The following OGT variants were observed in gnomAD, a reference collection of about 807,000 sequenced individuals.
OGT encodes O-linked N-acetylglucosamine (GlcNAc) transferase.
OGT carries 3 observed loss-of-function variants against 75.8 expected under a neutral mutation model. The ratio of observed to expected loss-of-function variants is 0.04; its 90% CI spans 0.02 to 0.10. OGT has a LOEUF of 0.10. OGT is among the 10% of genes least tolerant of loss of function. The pLI, the probability that OGT is intolerant of heterozygous loss-of-function variation, is 1.00. For missense variants in OGT, 260 were observed against 824.4 expected, an observed-to-expected ratio of 0.32 and a Z score of 8.38; for synonymous variants, 257 against 289.7, an observed-to-expected ratio of 0.89 and a Z score of 1.15.
rs1238270799 is a variant in OGT at position 71,573,986 on chromosome X, C to G, written c.*192C>G. ...GAGAGACACAAAAGATGGGAAACTG[C>G]TTTTCCACAAGGAATCTCCGTAGAA... On this transcript the variant is annotated 3_prime_UTR_variant, in exon 22 of 22. Transcript: ENST00000373719. 3.0e-6 allele frequency: 1 copy of G among 331,061 alleles called. No homozygotes were observed. Among genetic ancestry groups the G allele is most frequent in the Non-Finnish European group, 5.2e-6 (1 of 193,999 alleles). The allele number at this position is 331,061 out of a possible 1,213,427, so 27.3% of individuals were successfully genotyped here.
intron 3 of OGT, among the ~76,000 whole-genome samples, chrX:71,539,104 G>A (rs2040199918): frequency 8.9e-6 from 1 of 112,461 alleles, no homozygotes; most frequent in Non-Finnish European, 1.9e-5. Context: ...CAAAGCAAAT[G>A]TTGAAGTGAA....
At chrX:71,571,304 G>A (rs746348274) in intron 21 of OGT, among the ~76,000 whole-genome samples, 1 of 111,696 alleles carries the variant, frequency 9.0e-6, no homozygotes, top group Non-Finnish European at 1.9e-5. Flanking sequence ...TTATTCATCT[G>A]CCAATCCATC....
chrX:71,572,294 T>A (rs1361990926), intron 21 of OGT, among the ~76,000 whole-genome samples: 1 of 112,363 alleles, frequency 8.9e-6, no homozygotes, highest in Admixed American at 9.5e-5. Context: ...TCAAGTTTAT[T>A]TCTTTTGCTG....
At chrX:71,542,581 C>T (rs545484652) in intron 3 of OGT, among the ~76,000 whole-genome samples, 2 of 111,753 alleles carry the variant, frequency 1.8e-5, no homozygotes, top group South Asian at 3.7e-4. Flanking sequence ...AATAAAATTA[C>T]GCAACAGCTG....
chrX:71,559,435 G>A lies in OGT; in HGVS notation c.1761+10G>A, dbSNP rs1371737316. 1 of 1,195,547 alleles carries A rather than the reference G, an allele frequency of 8.4e-7. No homozygotes were observed. Among genetic ancestry groups the A allele is most frequent in the African/African-American group, 1.7e-5 (1 of 57,267 alleles). On this transcript the variant is annotated intron_variant, in intron 13 of 21. Coordinates refer to ENST00000373719, the MANE Select transcript of OGT (RefSeq NM_181672.3). ...TCCTGATAAATTTGAGGTAAGACTAGTGTTTCTCTAGAATCACTATTTGTT... is the reference window on the plus strand; with the variant it reads ...TCCTGATAAATTTGAGGTAAGACTAATGTTTCTCTAGAATCACTATTTGTT...
At chrX:71,546,969 A>G (rs1008372486) in intron 4 of OGT, 17 of 753,212 alleles carry the variant, frequency 2.3e-5, no homozygotes, top group Admixed American at 8.7e-5. Context: ...AATATTCTCC[A>G]TGGGCCTGTC....
intron 1 of OGT, among the ~76,000 whole-genome samples, chrX:71,533,874 G>A (rs1358866859): frequency 9.0e-6 from 1 of 111,310 alleles, no homozygotes; most frequent in East Asian, 2.8e-4. Context: ...AAAGCTCGTC[G>A]ATGGTGCCAC....
In OGT at chrX:71,567,776, A is replaced by C. The variant is rs1056657254; in HGVS notation, c.2842+24A>C. On this transcript the variant is annotated intron_variant, in intron 20 of 21. Transcript: ENST00000373719. ...AGGTAAGTTGCTGATAAATCACTGGAATCTTCCTTGTTCCTTTGAAAATCT... is the reference window on the plus strand; with the variant it reads ...AGGTAAGTTGCTGATAAATCACTGGCATCTTCCTTGTTCCTTTGAAAATCT... The C allele has an allele frequency of 4.3e-6, 5 of 1,175,748 alleles. No homozygotes were observed. The African/African-American group carries it at 7.0e-5, about 17-fold the overall frequency.
chrX:71,552,711 C>G (rs910942741), intron 5 of OGT, among the ~76,000 whole-genome samples: 1 of 90,738 alleles, frequency 1.1e-5, no homozygotes, highest in African/African-American at 4.0e-5. Context: ...GAATTGCTGT[C>G]TTTTTTTTTT....
At chrX:71,555,871 C>T in intron 7 of OGT, 83 bp from the exon 8 acceptor site, 1 of 1,075,526 alleles carries the variant, frequency 9.3e-7, no homozygotes, top group East Asian at 3.1e-5. Context: ...AGCCATTAGG[C>T]TTAATTAAAC....
intron 1 of OGT, among the ~76,000 whole-genome samples, chrX:71,535,426 T>G: frequency 9.0e-6 from 1 of 111,723 alleles, no homozygotes; most frequent in Middle Eastern, 4.6e-3. Context: ...TTAGTCTCCT[T>G]TTGAGTTTGG....
intron 21 of OGT, among the ~76,000 whole-genome samples, chrX:71,571,776 T>C (rs2040460013): frequency 9.0e-6 from 1 of 110,683 alleles, no homozygotes; most frequent in Non-Finnish European, 1.9e-5. Context: ...TAACCCTTTT[T>C]TTTTTCGTTT....
At chrX:71,538,145 C>T in intron 3 of OGT, 73 bp downstream of exon 3, 3 of 1,094,672 alleles carry the variant, frequency 2.7e-6, no homozygotes, top group Non-Finnish European at 3.7e-6. Context: ...ATTTCAGACA[C>T]TAAAGTAGGT....
chrX:71,547,624 T>G (rs896366811), intron 4 of OGT: 14 of 952,804 alleles, frequency 1.5e-5, no homozygotes, highest in Non-Finnish European at 1.8e-5. Flanking sequence ...GACTTCCCAG[T>G]TAAGTCCCAG....
chrX:71,547,472 A>G (rs927484981), intron 4 of OGT: 54 of 759,679 alleles, frequency 7.1e-5, no homozygotes, highest in Non-Finnish European at 8.4e-5. Flanking sequence ...ACCTCTTAAC[A>G]CCTCATAGAA....
At chrX:71,538,349 T>C (rs779837231) in intron 3 of OGT, among the ~76,000 whole-genome samples, 1 of 112,458 alleles carries the variant, frequency 8.9e-6, no homozygotes, top group African/African-American at 3.2e-5. Flanking sequence ...CACATGACTT[T>C]TTTCTGTTGT....
intron 3 of OGT, among the ~76,000 whole-genome samples, chrX:71,540,805 T>G (rs2040212840): frequency 9.1e-6 from 1 of 109,947 alleles, no homozygotes; most frequent in African/African-American, 3.3e-5. Context: ...CCGAAGTAGC[T>G]GGGATCACAG....
intron 14 of OGT, among the ~76,000 whole-genome samples, chrX:71,560,544 T>C (rs2040376073): frequency 8.9e-6 from 1 of 111,764 alleles, no homozygotes. Context: ...CATGTATGTA[T>C]GTACATACAC....
Position 71,558,227 on chromosome X carries a change from G to A in OGT, c.1602+555G>A, listed in dbSNP as rs758347843. On this transcript the variant is annotated intron_variant, in intron 12 of 21. Coordinates refer to ENST00000373719, the MANE Select transcript of OGT (RefSeq NM_181672.3). ...CGCCCGGCCAAAGTGCTGGGATTAC[G>A]GGTGTGAGCCACCGCGCCTGGCCAG... Among the ~76,000 whole-genome samples the A allele has an allele frequency of 1.6e-3, 175 of 110,248 alleles. 1 individual carries two copies. The highest frequency in any genetic ancestry group is 5.5e-3 in the African/African-American group (168 of 30,386).
Sources: allele counts gnomAD v4.1 joint callset (sites outside exome capture counted in the v4.1 genomes callset), GRCh38; gene constraint gnomAD v4.1.1; transcripts MANE v1.5; gene names NCBI Gene and HGNC (gene_info 2026-07-23, HGNC 2026-07-21).